Variants in PRTG observed in about 807,000 individuals in gnomAD.
PRTG encodes immunoglobulin superfamily, DCC subclass, member 5.
PRTG carries 67 observed loss-of-function variants against 122.5 expected under a neutral mutation model. The observed-to-expected ratio is 0.55, with a 90% CI of 0.45 to 0.67. PRTG has a LOEUF of 0.67. Among genes scored for constraint, PRTG ranks in the 30% least tolerant of loss-of-function variants. PRTG has a pLI of 0.00. For missense variants in PRTG, 1,435 were observed against 1,415.4 expected (o/e 1.01, Z -0.22); for synonymous variants, 554 against 501.1 (o/e 1.11, Z -1.41).
At chr15:55,683,711 T>C in intron 3 of PRTG, 76 bp downstream of exon 3, 3 of 1,217,974 alleles carry the variant, frequency 2.5e-6, no homozygotes, top group Non-Finnish European at 3.5e-6. Context: ...CCTATAATGG[T>C]GTTTCTCCCT....
intron 15 of PRTG, among the ~76,000 whole-genome samples, chr15:55,632,373 C>A (rs1187488333): frequency 2.0e-5 from 3 of 152,168 alleles, no homozygotes; most frequent in African/African-American, 7.2e-5. Flanking sequence ...TGGACACCTG[C>A]CTATGAAATG....
At chr15:55,693,410 C>T (rs1272893051) in intron 2 of PRTG, among the ~76,000 whole-genome samples, 1 of 151,452 alleles carries the variant, frequency 6.6e-6, no homozygotes, top group Non-Finnish European at 1.5e-5. Flanking sequence ...AAGCTGAGAT[C>T]GCACCATTGC....
At chr15:55,741,243 T>C (rs2031597416) in intron 1 of PRTG, among the ~76,000 whole-genome samples, 1 of 152,228 alleles carries the variant, frequency 6.6e-6, no homozygotes, top group African/African-American at 2.4e-5. Context: ...CTCCTCTCCT[T>C]GAAAGAAATC....
At position 55,620,726 on chromosome 15, in the gene PRTG, A is replaced by G; in HGVS notation, c.3135T>C (p.Ile1045=). Residue 1045 remains isoleucine, a synonymous_variant, in exon 19 of 20, where the codon ATT becomes ATC. Transcript: ENST00000389286. ...ACCACTTTTTCTTAGAGTTGTTTTT[A>G]ATTATAGGACCATAGCTATTAATTA... ...DLIINSYGPI[I]KNNSKKKWFF... 1 of 1,601,356 alleles carries G rather than the reference A, an allele frequency of 6.2e-7. No homozygotes were observed.
rs1335557537 is a variant in PRTG, at chr15:55,612,696, CAATATATATATATATA to C, written c.*7300_*7315del. The C allele has an allele frequency of 3.3e-5, 3 of 90,610 alleles. No individual in the cohort carries two copies. Among genetic ancestry groups the C allele is most frequent in the African/African-American group, 1.7e-4 (3 of 17,360 alleles). The allele number at this position is 90,610 out of a possible 1,614,324, so 5.6% of individuals were successfully genotyped here. A position where few individuals can be genotyped will look rare whatever the true frequency, so the allele number is the denominator to read the frequency against. ...ATTCTCTCTTTAACTCTTTAAAAGC[CAATATATATATATATA>C]TATATATATATATATATATATATAT... is the stretch of plus-strand genomic sequence containing the variant. On this transcript the variant is annotated 3_prime_UTR_variant, in exon 20 of 20. Coordinates refer to ENST00000389286, the MANE Select transcript of PRTG (RefSeq NM_173814.6).
At chr15:55,641,543 G>A (rs141360582) in intron 11 of PRTG, among the ~76,000 whole-genome samples, 2 of 152,062 alleles carry the variant, frequency 1.3e-5, no homozygotes, top group Non-Finnish European at 2.9e-5. Flanking sequence ...TTGCTTGATG[G>A]ATCACTTGCA....
chr15:55,690,810 A>G (rs1477751986), intron 2 of PRTG, among the ~76,000 whole-genome samples: 4 of 152,240 alleles, frequency 2.6e-5, no homozygotes, highest in African/African-American at 4.8e-5. Context: ...TGCATTGAGC[A>G]CATTACATAT....
At chr15:55,680,671 A>T in intron 4 of PRTG, 43 bp from the exon 5 acceptor site, 1 of 1,266,256 alleles carries the variant, frequency 7.9e-7, no homozygotes, top group Non-Finnish European at 1.1e-6. Flanking sequence ...AATTATAAAT[A>T]AGATATAATA....
chr15:55,697,146 T>C (rs2059636408), intron 2 of PRTG, among the ~76,000 whole-genome samples: 2 of 152,206 alleles, frequency 1.3e-5, no homozygotes, highest in Admixed American at 6.5e-5. Flanking sequence ...AACACAAAAC[T>C]GTTCAAGTTC....
chr15:55,665,498 G>T (rs1418398557), intron 11 of PRTG, among the ~76,000 whole-genome samples: 41 of 118,120 alleles, frequency 3.5e-4, no homozygotes, highest in Middle Eastern at 4.8e-3. Flanking sequence ...AGCTAAAAAG[G>T]TTTTTTTTGT....
intron 2 of PRTG, among the ~76,000 whole-genome samples, chr15:55,700,699 G>A (rs974195581): frequency 6.6e-6 from 1 of 152,026 alleles, no homozygotes; most frequent in African/African-American, 2.4e-5. Context: ...GAGGATCACT[G>A]GAGCCTGGGA....
At position 55,679,280 on chromosome 15, in the gene PRTG, G is replaced by A; in HGVS notation, c.1133+6C>T. ...TATAAAATGGTAGCAAAGTTACACA[G>A]CCTACCTGTTGTACATTTTAATTCT... On this transcript the variant is annotated splice_donor_region_variant and intron_variant, in intron 7 of 19. Transcript: ENST00000389286. 6.2e-7 allele frequency: 1 copy of A among 1,601,202 alleles called. No individual in the cohort carries two copies.
chr15:55,656,434 T>A, intron 11 of PRTG: 1 of 428,986 alleles, frequency 2.3e-6, no homozygotes, highest in African/African-American at 2.1e-5. Flanking sequence ...AAATAAAAAA[T>A]CTATAATCTA....
At chr15:55,649,854 C>T (rs970130074) in intron 11 of PRTG, among the ~76,000 whole-genome samples, 1 of 152,008 alleles carries the variant, frequency 6.6e-6, no homozygotes, top group Admixed American at 6.6e-5. Flanking sequence ...TTGCTATTAG[C>T]ATCCTATGAT....
intron 11 of PRTG, chr15:55,656,283 T>A (rs1416144237): frequency 6.7e-6 from 3 of 448,850 alleles, no homozygotes; most frequent in African/African-American, 6.0e-5. Context: ...AAGGATGGCA[T>A]TTCCAGTTGA....
At chr15:55,691,723 C>G (rs1429268877) in intron 2 of PRTG, among the ~76,000 whole-genome samples, 2 of 150,900 alleles carry the variant, frequency 1.3e-5, no homozygotes, top group African/African-American at 2.4e-5. Flanking sequence ...TCTACATTTC[C>G]AAAACAGAAA....
intron 7 of PRTG, among the ~76,000 whole-genome samples, chr15:55,678,624 T>C (rs2059518400): frequency 6.6e-6 from 1 of 152,226 alleles, no homozygotes; most frequent in Non-Finnish European, 1.5e-5. Flanking sequence ...ATGAAAAATA[T>C]TCTACATTAA....
intron 2 of PRTG, among the ~76,000 whole-genome samples, chr15:55,737,743 G>C (rs1395930194): frequency 1.3e-5 from 2 of 152,022 alleles, no homozygotes; most frequent in African/African-American, 4.8e-5. Flanking sequence ...TAAGTTTAGA[G>C]ACCAAGACTT....
rs1251619112 is a variant in PRTG at position 55,614,023 on chromosome 15, T to A, written c.*5989A>T. On this transcript the variant is annotated 3_prime_UTR_variant, in exon 20 of 20. Transcript: ENST00000389286. ...AATGGCATCATATTACTTCCTAGAG[T>A]CGGGAGAAGTTGTAAAATGACCAGC... is the stretch of plus-strand genomic sequence containing the variant. The A allele has an allele frequency of 6.6e-6, 1 of 151,980 alleles. No individual in the cohort carries two copies. The highest frequency in any genetic ancestry group is 2.4e-5 in the African/African-American group (1 of 41,368). 9.4% of individuals were successfully genotyped at this position (151,980 alleles called of 1,614,324 possible).
Sources: gnomAD v4.1 joint callset for allele counts (sites outside exome capture counted in the v4.1 genomes callset) on GRCh38, gnomAD v4.1.1 for gene constraint, MANE v1.5 for transcripts, NCBI Gene and HGNC (gene_info 2026-07-23, HGNC 2026-07-21) for gene names.